The following SLC28A1 variants were observed in gnomAD, a reference collection of about 807,000 sequenced individuals.
The protein encoded by SLC28A1 is sodium/nucleoside cotransporter 1.
In SLC28A1, 64 loss-of-function variants were observed where a neutral mutation model predicts 74.8. That is an observed-to-expected ratio of 0.86 (90% confidence interval 0.70 to 1.05). The LOEUF (loss-of-function observed/expected upper bound fraction) is 1.05. Among genes scored for constraint, SLC28A1 ranks in the 50% least tolerant of loss-of-function variants. The pLI is 0.00. For synonymous variants in SLC28A1, 359 were observed against 335.0 expected (o/e 1.07, Z -0.78); for missense variants, 828 against 822.8 (o/e 1.01, Z -0.08).
chr15:84,938,132 G>A (rs1198108506), intron 15 of SLC28A1, among the ~76,000 whole-genome samples: 2 of 151,492 alleles, frequency 1.3e-5, no homozygotes, highest in Non-Finnish European at 1.5e-5. Context: ...CCCAGGAGGG[G>A]GAGGTTGCAG....
chr15:84,906,583 T>G (rs1967265202), intron 8 of SLC28A1, among the ~76,000 whole-genome samples: 1 of 73,440 alleles, frequency 1.4e-5, no homozygotes, highest in Admixed American at 1.4e-4. Flanking sequence ...TCTTCCTTCC[T>G]TCCTTCCTTC....
At chr15:84,946,935 C>T (rs1385406946), downstream of SLC28A1, among the ~76,000 whole-genome samples, 1 of 152,218 alleles carries the variant, frequency 6.6e-6, no homozygotes, top group Non-Finnish European at 1.5e-5. Flanking sequence ...TGGGGCCCTA[C>T]ACCCTCACCC....
At chr15:84,890,655 G>A (rs1965270951) in intron 5 of SLC28A1, 121 bp downstream of exon 5, 1 of 828,044 alleles carries the variant, frequency 1.2e-6, no homozygotes, top group Admixed American at 2.0e-5. Flanking sequence ...CACCAACTCA[G>A]GTCCAGCTCC....
the SLC28A1 span, among the ~76,000 whole-genome samples, chr15:84,961,899 G>A: frequency 1.3e-5 from 2 of 152,188 alleles, no homozygotes; most frequent in South Asian, 2.1e-4. Flanking sequence ...TCATTGAAAT[G>A]TTACCCTGTG....
At chr15:84,966,702 G>A in the SLC28A1 span, among the ~76,000 whole-genome samples, 1 of 152,222 alleles carries the variant, frequency 6.6e-6, no homozygotes, top group African/African-American at 2.4e-5. Flanking sequence ...AGAGAAGAGA[G>A]CTTGTGCAGG....
intron 17 of SLC28A1, 39 bp from the exon 18 acceptor site, chr15:84,944,717 C>G (rs1439990088): frequency 4.8e-6 from 7 of 1,458,136 alleles, no homozygotes; most frequent in Non-Finnish European, 6.3e-6. Context: ...TTCTGGCTAG[C>G]CCGGGGGCCC....
intron 15 of SLC28A1, among the ~76,000 whole-genome samples, chr15:84,936,329 C>T (rs1352333379): frequency 6.6e-6 from 1 of 152,086 alleles, no homozygotes; most frequent in Non-Finnish European, 1.5e-5. Context: ...ACATTCTTAG[C>T]TCACTGCAAC....
At chr15:84,925,096 T>A (rs1343106178) in intron 12 of SLC28A1, among the ~76,000 whole-genome samples, 1 of 144,198 alleles carries the variant, frequency 6.9e-6, no homozygotes, top group East Asian at 2.0e-4. Context: ...TTTTTTTGTA[T>A]TTTTAGTAGA....
intron 9 of SLC28A1, among the ~76,000 whole-genome samples, chr15:84,916,240 C>CAGGTGTGAGCCACCAGGCCTGGCCTTT (rs1555449976): frequency 1.0e-5 from 1 of 98,422 alleles, no homozygotes; most frequent in African/African-American, 4.9e-5. Flanking sequence ...GCTGGGATTA[C>CAGGTGTGAGCCACCAGGCCTGGCCTTT]TTTTTTTTTT....
At chr15:84,950,359 CTTTTTTTTTT>C (rs571049176), downstream of SLC28A1, among the ~76,000 whole-genome samples, 1 of 127,598 alleles carries the variant, frequency 7.8e-6, no homozygotes, top group Non-Finnish European at 1.7e-5. Context: ...CGCCAGTCTC[CTTTTTTTTTT>C]TTTTTTTTTT....
chr15:84,910,419 C>A (rs1021635892), intron 9 of SLC28A1, among the ~76,000 whole-genome samples: 1 of 152,192 alleles, frequency 6.6e-6, no homozygotes, highest in African/African-American at 2.4e-5. Flanking sequence ...GCTCCCGCAG[C>A]TTCTTACACT....
intron 12 of SLC28A1, among the ~76,000 whole-genome samples, chr15:84,929,316 G>A (rs1433920403): frequency 1.3e-5 from 2 of 151,764 alleles, no homozygotes; most frequent in African/African-American, 2.4e-5. Flanking sequence ...AGGCCGAGGC[G>A]GGTGGATCAC....
At chr15:84,897,777 A>G (rs919695378) in intron 6 of SLC28A1, among the ~76,000 whole-genome samples, 2 of 152,210 alleles carry the variant, frequency 1.3e-5, no homozygotes, top group South Asian at 2.1e-4. Context: ...ACTACTCGTC[A>G]TCCCGCCTCC....
Position 84,904,179 on chromosome 15 carries a change from T to C in SLC28A1, c.544T>C (p.Phe182Leu). 4 of 1,614,208 alleles carry C rather than the reference T, an allele frequency of 2.5e-6. No homozygotes were observed. The highest frequency in any genetic ancestry group is 3.4e-6 in the Non-Finnish European group (4 of 1,180,034). ...TSQRPEQLVSFAGICVFVALL... is the reference protein window; with the variant it reads ...TSQRPEQLVSLAGICVFVALL... Reference sequence around the variant, plus strand: ...CCAGCGGCCTGAGCAACTGGTGTCCTTCGCAGGAATCTGCGTGTTCGTCGC... The same window carrying C: ...CCAGCGGCCTGAGCAACTGGTGTCCCTCGCAGGAATCTGCGTGTTCGTCGC... Residue 182 changes from phenylalanine (F) to leucine (L), a missense_variant, in exon 7 of 19, where the codon TTC (phenylalanine) becomes CTC (leucine). By Grantham distance (22) the Phe-to-Leu change is conservative. This residue lies in a region of SLC28A1 where 767 missense variants were observed against 753.5 expected (regional missense o/e 1.02). Transcript: ENST00000394573.
At position 84,886,343 on chromosome 15, in the gene SLC28A1, C is replaced by G. The variant is rs1355800446; in HGVS notation, c.-132-329C>G. 3 of 984,830 alleles carry G rather than the reference C, an allele frequency of 3.0e-6. No individual in the cohort carries two copies. The African/African-American group carries it at 5.3e-5, about 17-fold the overall frequency. The allele number at this position is 984,830 out of a possible 1,614,324, so 61.0% of individuals were successfully genotyped here. A position where few individuals can be genotyped will look rare whatever the true frequency, so the allele number is the denominator to read the frequency against. ...AAAATGAAAGATAAAATGCAAAAAG[C>G]TAACAGCCTGGCTGGGGAAAGGAGG... is the stretch of plus-strand genomic sequence containing the variant. On this transcript the variant is annotated intron_variant, in intron 1 of 18. Transcript: ENST00000394573.
chr15:84,912,806 G>GCGCGCA (rs764101004), intron 9 of SLC28A1, among the ~76,000 whole-genome samples: 4,238 of 112,104 alleles, frequency 0.038, 67 homozygotes, highest in Non-Finnish European at 0.04. Flanking sequence ...TTGCGCGCGC[G>GCGCGCA]CACACACACA....
At chr15:84,895,477 G>C (rs370698434) in intron 6 of SLC28A1, 1 of 1,609,966 alleles carries the variant, frequency 6.2e-7, no homozygotes, top group Admixed American at 1.7e-5. Flanking sequence ...CCCTGGAGGG[G>C]GATTCAGCAG....
the SLC28A1 span, among the ~76,000 whole-genome samples, chr15:84,972,338 C>CT: frequency 6.6e-6 from 1 of 152,216 alleles, no homozygotes; most frequent in Non-Finnish European, 1.5e-5. Context: ...TCAGAGAGGC[C>CT]TGGGTTTGGG....
intron 7 of SLC28A1, 147 bp from the exon 8 acceptor site, chr15:84,905,392 G>T: frequency 1.5e-6 from 1 of 675,490 alleles, no homozygotes; most frequent in South Asian, 1.7e-5. Flanking sequence ...CCCAGGGAGG[G>T]TGTGACCACT....
Sources: gnomAD v4.1 joint callset for allele counts (sites outside exome capture counted in the v4.1 genomes callset) on GRCh38, gnomAD v4.1.1 for gene constraint, gnomAD v4.1.1 regional missense constraint, MANE v1.5 for transcripts, NCBI Gene and HGNC (gene_info 2026-07-23, HGNC 2026-07-21) for gene names.